The following CAPRIN1 variants were observed in gnomAD, a reference collection of about 807,000 sequenced individuals.
CAPRIN1 encodes cell cycle associated protein 1, also known as caprin-1.
CAPRIN1 carries 29 observed loss-of-function variants against 100.9 expected under a neutral mutation model. That is an observed-to-expected ratio of 0.29 (90% CI 0.21 to 0.39). The LOEUF (loss-of-function observed/expected upper bound fraction) is 0.39. Among genes scored for constraint, CAPRIN1 ranks in the 10% least tolerant of loss-of-function variants. CAPRIN1 has a pLI of 1.00. For missense variants in CAPRIN1, 795 were observed against 876.7 expected (o/e 0.91, Z 1.18); for synonymous variants, 338 against 307.5 (o/e 1.10, Z -1.04).
Position 34,101,438 on chromosome 11 carries a change from T to C in CAPRIN1, c.*2071T>C, listed in dbSNP as rs760642304. Among the ~76,000 whole-genome samples the C allele has an allele frequency of 3.9e-5, 6 of 152,214 alleles. No homozygotes were observed. Among genetic ancestry groups the C allele is most frequent in the Non-Finnish European group, 7.4e-5 (5 of 68,026 alleles). Reference sequence around the variant, plus strand: ...TTACAATCAGGACTGAAGTAAGTTCTTCACACAGTGACCTCTGAATCAGTT... The same window carrying C: ...TTACAATCAGGACTGAAGTAAGTTCCTCACACAGTGACCTCTGAATCAGTT... On this transcript the variant is annotated 3_prime_UTR_variant, in exon 19 of 19. Coordinates refer to ENST00000341394, the MANE Select transcript of CAPRIN1 (RefSeq NM_005898.5).
intron 2 of CAPRIN1, among the ~76,000 whole-genome samples, chr11:34,063,747 A>C (rs148907302): frequency 5.3e-4 from 80 of 152,312 alleles, no homozygotes; most frequent in Non-Finnish European, 1.1e-3. Flanking sequence ...GTTAGAAAGG[A>C]TCTAAGAGGG....
chr11:34,087,035 T>C (rs150055519), intron 11 of CAPRIN1, among the ~76,000 whole-genome samples: 1 of 152,308 alleles, frequency 6.6e-6, no homozygotes, highest in East Asian at 1.9e-4. Flanking sequence ...TTCAGACTCT[T>C]TCTGGACTTA....
At chr11:34,078,785 C>G (rs1368587832) in intron 6 of CAPRIN1, among the ~76,000 whole-genome samples, 1 of 152,102 alleles carries the variant, frequency 6.6e-6, no homozygotes, top group Non-Finnish European at 1.5e-5. Flanking sequence ...TTTCTTCTCC[C>G]TTGAAACACT....
At chr11:34,084,554 C>CTCA (rs1851100482) in intron 9 of CAPRIN1, among the ~76,000 whole-genome samples, 1 of 152,196 alleles carries the variant, frequency 6.6e-6, no homozygotes, top group Non-Finnish European at 1.5e-5. Flanking sequence ...TCTGCTCATA[C>CTCA]TCAAGTTGTG....
chr11:34,081,090 TAAAG>T, intron 7 of CAPRIN1, among the ~76,000 whole-genome samples: 1 of 152,196 alleles, frequency 6.6e-6, no homozygotes, highest in East Asian at 1.9e-4. Context: ...GAATAAATGG[TAAAG>T]AAAACTTTCT....
At chr11:34,052,771 A>T (rs1850353851) in intron 2 of CAPRIN1, 135 bp downstream of exon 2, 1 of 1,409,744 alleles carries the variant, frequency 7.1e-7, no homozygotes, top group African/African-American at 1.5e-5. Context: ...CCCCTGGCCC[A>T]CACGCCCCGT....
chr11:34,093,245 G>C (rs1319183215), intron 15 of CAPRIN1, among the ~76,000 whole-genome samples: 1 of 151,042 alleles, frequency 6.6e-6, no homozygotes, highest in Non-Finnish European at 1.5e-5. Context: ...GCCCAGGTTG[G>C]AGTGCAGTGG....
At chr11:34,061,606 T>TA (rs1034837169) in intron 2 of CAPRIN1, among the ~76,000 whole-genome samples, 3 of 152,044 alleles carry the variant, frequency 2.0e-5, no homozygotes, top group African/African-American at 7.2e-5. Context: ...CAGGGCCTGG[T>TA]AGAGTGCTCG....
At chr11:34,076,949 G>T (rs1410974581) in intron 6 of CAPRIN1, among the ~76,000 whole-genome samples, 1 of 152,042 alleles carries the variant, frequency 6.6e-6, no homozygotes, top group Non-Finnish European at 1.5e-5. Flanking sequence ...AGGCCAGGCT[G>T]GTCTCGAACT....
chr11:34,073,686 A>C (rs897945703), intron 4 of CAPRIN1, among the ~76,000 whole-genome samples: 3 of 152,190 alleles, frequency 2.0e-5, no homozygotes, highest in African/African-American at 7.2e-5. Context: ...TCAGCCTCCC[A>C]AAGTGTTGGG....
At chr11:34,097,639 T>C (rs1590749975) in intron 17 of CAPRIN1, 59 bp from the exon 18 acceptor site, 1 of 1,597,278 alleles carries the variant, frequency 6.3e-7, no homozygotes, top group East Asian at 2.2e-5. Flanking sequence ...ACTGAAAGAA[T>C]AGATGGGTAA....
intron 17 of CAPRIN1, 60 bp downstream of exon 17, chr11:34,097,356 G>C (rs923296793): frequency 2.3e-6 from 3 of 1,324,534 alleles, no homozygotes; most frequent in Non-Finnish European, 3.3e-6. Context: ...AAGTGACTTA[G>C]TGTTGTTGCT....
intron 17 of CAPRIN1, 147 bp downstream of exon 17, chr11:34,097,443 C>A: frequency 1.3e-6 from 1 of 748,540 alleles, no homozygotes; most frequent in Non-Finnish European, 2.2e-6. Context: ...GCTTTTAGCA[C>A]TCAACATCAG....
rs996195126 is a variant in CAPRIN1, at chr11:34,099,659, A to G, written c.*292A>G. On this transcript the variant is annotated 3_prime_UTR_variant, in exon 19 of 19. Transcript: ENST00000341394. ...GTAAAACAATATACTTTACAGGGTG[A>G]TAATAATCTCCATAGTTATTTGAAG... 3.3e-5 allele frequency: 11 copies of G among 330,978 alleles called. No individual in the cohort carries two copies. The highest frequency in any genetic ancestry group is 5.5e-5 in the Non-Finnish European group (10 of 181,360). The allele number at this position is 330,978 out of a possible 1,614,324, so 20.5% of individuals were successfully genotyped here.
chr11:34,096,705 C>T, intron 16 of CAPRIN1, 32 bp downstream of exon 16: 1 of 1,496,674 alleles, frequency 6.7e-7, no homozygotes, highest in Non-Finnish European at 9.1e-7. Flanking sequence ...TTCTAATGAC[C>T]TTTTACTAGT....
At chr11:34,078,464 T>C (rs1850947821) in intron 6 of CAPRIN1, among the ~76,000 whole-genome samples, 1 of 152,162 alleles carries the variant, frequency 6.6e-6, no homozygotes, top group Admixed American at 6.5e-5. Flanking sequence ...ATTCTGATAG[T>C]TTTTGTTTGT....
chr11:34,084,128 T>C (rs1482854719), intron 9 of CAPRIN1, among the ~76,000 whole-genome samples: 2 of 152,020 alleles, frequency 1.3e-5, no homozygotes, highest in East Asian at 1.9e-4. Flanking sequence ...AGTCTCACTC[T>C]TGCCCAGTAG....
chr11:34,058,334 G>C (rs1349615152), intron 2 of CAPRIN1, among the ~76,000 whole-genome samples: 1 of 151,774 alleles, frequency 6.6e-6, no homozygotes, highest in African/African-American at 2.4e-5. Context: ...ACGGGGTTTT[G>C]CCATGTTGAC....
intron 6 of CAPRIN1, among the ~76,000 whole-genome samples, chr11:34,079,335 G>A (rs1006850843): frequency 6.6e-6 from 1 of 152,182 alleles, no homozygotes; most frequent in Admixed American, 6.5e-5. Flanking sequence ...GGGAGGCAGA[G>A]GTTGCAGTGA....
Sources: allele counts gnomAD v4.1 joint callset (sites outside exome capture counted in the v4.1 genomes callset), GRCh38; gene constraint gnomAD v4.1.1; transcripts MANE v1.5; gene names NCBI Gene and HGNC (gene_info 2026-07-23, HGNC 2026-07-21).